FGF14: variants seen among roughly 807,000 people sequenced by gnomAD.
The protein encoded by FGF14 is fibroblast growth factor 14.
In FGF14, 5 loss-of-function variants were observed where a neutral mutation model predicts 25.5. The observed-to-expected ratio is 0.20, with a 90% confidence interval of 0.10 to 0.41. The LOEUF (loss-of-function observed/expected upper bound fraction) is 0.41. FGF14 is among the 10% of genes least tolerant of loss of function. The probability of loss-of-function intolerance (pLI) is 1.00; values close to 1 mark genes in which losing one functional copy is unlikely to be tolerated. For synonymous variants in FGF14, 138 were observed against 118.3 expected (o/e 1.17, Z -1.08); for missense variants, 222 against 320.1 (o/e 0.69, Z 2.34).
chr13:101,918,962 C>A (rs1210677786), upstream of FGF14, among the ~76,000 whole-genome samples: 1 of 152,120 alleles, frequency 6.6e-6, no homozygotes, highest in Non-Finnish European at 1.5e-5. Context: ...CATAAAATAG[C>A]AAAAGTGAGA....
At chr13:101,934,967 A>T (rs1461391745) in intron 1 of FGF14, among the ~76,000 whole-genome samples, 2 of 152,208 alleles carry the variant, frequency 1.3e-5, no homozygotes, top group Non-Finnish European at 2.9e-5. Context: ...ATCTACAGAC[A>T]CGATATTGTA....
At chr13:102,340,454 C>A (rs1390455664) in intron 1 of FGF14, among the ~76,000 whole-genome samples, 1 of 152,068 alleles carries the variant, frequency 6.6e-6, no homozygotes, top group South Asian at 2.1e-4. Context: ...CACACACACA[C>A]ACACACACGC....
chr13:102,175,622 AACAG>A (rs1178037975), intron 1 of FGF14, among the ~76,000 whole-genome samples: 3 of 152,186 alleles, frequency 2.0e-5, no homozygotes, highest in East Asian at 1.9e-4. Flanking sequence ...CAACAGAATA[AACAG>A]ACAGCCTGCA....
intron 1 of FGF14, among the ~76,000 whole-genome samples, chr13:102,353,370 C>T (rs1023253615): frequency 2.6e-5 from 4 of 152,112 alleles, no homozygotes; most frequent in African/African-American, 9.7e-5. Context: ...TCTCATCAAC[C>T]CCTGTAGCTT....
chr13:102,351,496 T>C (rs1259636197), intron 1 of FGF14, among the ~76,000 whole-genome samples: 1 of 152,240 alleles, frequency 6.6e-6, no homozygotes, highest in Non-Finnish European at 1.5e-5. Flanking sequence ...TATGGGTAAC[T>C]AGTTCCTGCA....
rs540295993 is a variant in FGF14, at chr13:102,285,149, T to C, written c.208+116322A>G. On this transcript the variant is annotated intron_variant, in intron 1 of 4. Coordinates refer to the FGF14 transcript ENST00000376131. Reference sequence around the variant, plus strand: ...CTTTCCTAATGTCAGAGGAAATTTTTTACAGAGCAAAGGATAATACTCATG... The same window carrying C: ...CTTTCCTAATGTCAGAGGAAATTTTCTACAGAGCAAAGGATAATACTCATG... Among the ~76,000 whole-genome samples the C allele has an allele frequency of 5.9e-5, 9 of 152,326 alleles. No homozygotes were observed. In the East Asian group the frequency reaches 1.7e-3, roughly 29 times the overall value.
chr13:101,889,222 G>T (rs1338861715), intron 1 of FGF14, among the ~76,000 whole-genome samples: 4 of 151,482 alleles, frequency 2.6e-5, no homozygotes, highest in Non-Finnish European at 5.9e-5. Context: ...CAGACTAATA[G>T]AGGAATTGCC....
At chr13:101,843,653 T>TAC (rs1370772786) in intron 3 of FGF14, among the ~76,000 whole-genome samples, 1 of 151,920 alleles carries the variant, frequency 6.6e-6, no homozygotes, top group African/African-American at 2.4e-5. Context: ...ACACAAGGAT[T>TAC]ACGTAACTAG....
At chr13:102,366,082 C>CT (rs1356323232) in intron 1 of FGF14, among the ~76,000 whole-genome samples, 6 of 152,108 alleles carry the variant, frequency 3.9e-5, no homozygotes, top group Non-Finnish European at 7.4e-5. Context: ...AAAAGGTTTT[C>CT]ATTAAGAAAA....
At chr13:101,735,915 T>C (rs2036155803) in intron 3 of FGF14, among the ~76,000 whole-genome samples, 1 of 152,212 alleles carries the variant, frequency 6.6e-6, no homozygotes, top group Non-Finnish European at 1.5e-5. Flanking sequence ...GAAATCAAAC[T>C]GTACATATGT....
At chr13:101,954,121 T>A (rs563676140) in intron 1 of FGF14, among the ~76,000 whole-genome samples, 60 of 152,312 alleles carry the variant, frequency 3.9e-4, no homozygotes, top group Middle Eastern at 6.8e-3. Context: ...GATTAGGTTT[T>A]ACTGCTCCAT....
chr13:102,031,302 G>A (rs994302280), intron 1 of FGF14, among the ~76,000 whole-genome samples: 2 of 152,046 alleles, frequency 1.3e-5, no homozygotes, highest in African/African-American at 4.8e-5. Context: ...ATAATGAGGT[G>A]AATGTAGTTT....
intron 1 of FGF14, among the ~76,000 whole-genome samples, chr13:101,996,776 A>G (rs1376137209): frequency 6.6e-6 from 1 of 152,154 alleles, no homozygotes; most frequent in Non-Finnish European, 1.5e-5. Flanking sequence ...CTTCCTTCCA[A>G]ACTTATAAGT....
intron 1 of FGF14, among the ~76,000 whole-genome samples, chr13:101,898,192 G>C (rs1216728584): frequency 6.6e-6 from 1 of 152,078 alleles, no homozygotes; most frequent in African/African-American, 2.4e-5. Context: ...ATGGCACCTT[G>C]AGTTTTCTAT....
At chr13:102,275,308 G>A (rs539840841) in intron 1 of FGF14, among the ~76,000 whole-genome samples, 2 of 139,218 alleles carry the variant, frequency 1.4e-5, no homozygotes, top group South Asian at 4.6e-4. Context: ...AATTCCAAAG[G>A]GGTCATATTT....
intron 1 of FGF14, among the ~76,000 whole-genome samples, chr13:102,093,813 T>TAAAA (rs141719540): frequency 4.2e-5 from 6 of 144,140 alleles, no homozygotes; most frequent in African/African-American, 7.7e-5. Flanking sequence ...GATCATTGTT[T>TAAAA]AAAAAAAAAA....
intron 1 of FGF14, among the ~76,000 whole-genome samples, chr13:101,954,564 CCTTCTGTTGGTTGTTAACCT>C (rs1301187413): frequency 6.6e-6 from 1 of 152,196 alleles, no homozygotes; most frequent in African/African-American, 2.4e-5. Context: ...TGGTTTTCAT[CCTTCTGTTGGTTGTTAACCT>C]CTTTCTTCAA....
At position 101,711,741 on chromosome 13, in the gene FGF14, G is replaced by GA. The variant is rs2034476570; in HGVS notation, c.*11089dup. On this transcript the variant is annotated 3_prime_UTR_variant, in exon 5 of 5. Coordinates refer to ENST00000376143, the MANE Select transcript of FGF14 (RefSeq NM_004115.4). ...CCTAAGATGCCCTGAAGACACATGA[G>GA]AAAATGTGGCTGATTCCCCAGGGAT... is the stretch of plus-strand genomic sequence containing the variant. The GA allele has an allele frequency of 6.6e-6, 1 of 152,280 alleles. No homozygotes were observed. The highest frequency in any genetic ancestry group is 6.5e-5 in the Admixed American group (1 of 15,306). The allele number at this position is 152,280 out of a possible 1,614,324, so 9.4% of individuals were successfully genotyped here.
At position 101,925,850 on chromosome 13, in the gene FGF14, T is replaced by C. The variant is rs1274372963; in HGVS notation, c.209-50554A>G. ...CTCACTGGATTTAAGTCATGATGTC[T>C]GCAGAGCCTTCTGGAGGCTTTGAGA... On this transcript the variant is annotated intron_variant, in intron 1 of 4. Transcript: ENST00000376131. Among the ~76,000 whole-genome samples, 3 of 152,336 alleles carry C rather than the reference T, an allele frequency of 2.0e-5. No individual in the cohort carries two copies. In the South Asian group the frequency reaches 6.2e-4, roughly 32 times the overall value.
Sources: gnomAD v4.1 joint callset for allele counts (sites outside exome capture counted in the v4.1 genomes callset) on GRCh38, gnomAD v4.1.1 for gene constraint, MANE v1.5 for transcripts, NCBI Gene and HGNC (gene_info 2026-07-23, HGNC 2026-07-21) for gene names.